BCL7A: variants seen among roughly 807,000 people sequenced by gnomAD.
The protein encoded by BCL7A is BAF chromatin remodeling complex subunit BCL7A, also known as B-cell CLL/lymphoma 7 protein family member A.
A neutral mutation model predicts 28.4 loss-of-function variants in BCL7A; 11 were observed. The ratio of observed to expected loss-of-function variants is 0.39; its 90% CI spans 0.24 to 0.64. The LOEUF (loss-of-function observed/expected upper bound fraction) is 0.64. Ranked by LOEUF, BCL7A falls within the 30% of genes least tolerant of loss-of-function variation. The pLI, the probability that BCL7A is intolerant of heterozygous loss-of-function variation, is 0.50. For synonymous variants in BCL7A, 123 were observed against 103.3 expected, an observed-to-expected ratio of 1.19 and a Z score of -1.15; for missense variants, 222 against 274.8, an observed-to-expected ratio of 0.81 and a Z score of 1.36.
chr12:122,057,524 C>T (rs926061240), intron 5 of BCL7A, among the ~76,000 whole-genome samples: 3 of 152,038 alleles, frequency 2.0e-5, no homozygotes, highest in African/African-American at 7.2e-5. Context: ...GGCCAGAGGC[C>T]GGGTTGGAGG....
At chr12:122,028,218 C>T (rs888430314) in intron 1 of BCL7A, among the ~76,000 whole-genome samples, 10 of 152,128 alleles carry the variant, frequency 6.6e-5, no homozygotes, top group African/African-American at 9.7e-5. Flanking sequence ...CTTGAGAACT[C>T]GGTGAAGAGG....
chr12:122,058,070 GCATAT>G (rs956075261), intron 5 of BCL7A, among the ~76,000 whole-genome samples: 3 of 151,490 alleles, frequency 2.0e-5, no homozygotes, highest in African/African-American at 7.3e-5. Context: ...GGTGGCACAT[GCATAT>G]AGTCCCAGCT....
chr12:122,023,786 C>G, intron 1 of BCL7A, among the ~76,000 whole-genome samples: 1 of 152,314 alleles, frequency 6.6e-6, no homozygotes, highest in South Asian at 2.1e-4. Flanking sequence ...CAACCCGCAG[C>G]CCCCTCTACT....
intron 1 of BCL7A, among the ~76,000 whole-genome samples, chr12:122,023,888 C>T (rs1005222976): frequency 3.3e-5 from 5 of 152,232 alleles, no homozygotes; most frequent in African/African-American, 1.2e-4. Context: ...TGGGTCCCTT[C>T]TGTCGCCGGC....
chr12:122,023,431 A>T (rs1883523367), intron 1 of BCL7A, among the ~76,000 whole-genome samples: 1 of 151,898 alleles, frequency 6.6e-6, no homozygotes, highest in African/African-American at 2.4e-5. Context: ...CGGTCTCTAA[A>T]AGCCACTGGG....
intron 4 of BCL7A, among the ~76,000 whole-genome samples, chr12:122,045,387 A>C (rs1029111287): frequency 6.6e-6 from 1 of 152,036 alleles, no homozygotes; most frequent in Non-Finnish European, 1.5e-5. Context: ...TCTCAGAAAA[A>C]TTTTAAAAAG....
intron 3 of BCL7A, among the ~76,000 whole-genome samples, chr12:122,035,691 C>T (rs1034953555): frequency 1.3e-5 from 2 of 152,182 alleles, no homozygotes; most frequent in South Asian, 2.1e-4. Context: ...ACAAGAACCC[C>T]GCAGGAGATG....
rs145256978 is a variant in BCL7A, at chr12:122,029,136, G to A, written c.93-1564G>A. Among the ~76,000 whole-genome samples, 218 of 152,238 alleles carry A rather than the reference G, an allele frequency of 1.4e-3. No homozygotes were observed. The highest frequency in any genetic ancestry group is 2.2e-3 in the Non-Finnish European group (152 of 68,008). ...GTTCACCTTCACCGCCCTGTGCCTC[G>A]GTTTCTTTATCTGTCAAATGGGGAA... On this transcript the variant is annotated intron_variant, in intron 1 of 5. Transcript: ENST00000261822. This position sits in a 1 kb window ranked among gnomAD's most constrained non-coding sequence, Gnocchi z 4.3.
In BCL7A at chr12:122,061,424, C is replaced by T. The variant is rs927732972; in HGVS notation, c.*2261C>T. 2.1e-4 allele frequency: 49 copies of T among 231,824 alleles called. No homozygotes were observed. Among genetic ancestry groups the T allele is most frequent in the South Asian group, 1.8e-4 (1 of 5,520 alleles). The allele number at this position is 231,824 out of a possible 1,614,324, so 14.4% of individuals were successfully genotyped here. A position where few individuals can be genotyped will look rare whatever the true frequency, so the allele number is the denominator to read the frequency against. ...GATTGGGACCAGCTGGGCCCCACCA[C>T]GGCCACGCCAGGCAAAGCGCCAGCA... On this transcript the variant is annotated 3_prime_UTR_variant, in exon 6 of 6. Coordinates refer to ENST00000261822, the MANE Select transcript of BCL7A (RefSeq NM_001024808.3).
chr12:122,025,664 G>C (rs142211506), intron 1 of BCL7A, among the ~76,000 whole-genome samples: 1 of 147,576 alleles, frequency 6.8e-6, no homozygotes, highest in East Asian at 2.0e-4. Flanking sequence ...AGAAAAATTA[G>C]TCTGGACGCA....
At chr12:122,040,193 C>T (rs1883938407) in intron 3 of BCL7A, among the ~76,000 whole-genome samples, 1 of 152,148 alleles carries the variant, frequency 6.6e-6, no homozygotes, top group South Asian at 2.1e-4. Flanking sequence ...TTCATAACTT[C>T]CAGTGCCATT....
chr12:122,049,241 AAG>A (rs1245671947), intron 4 of BCL7A, among the ~76,000 whole-genome samples: 21 of 149,504 alleles, frequency 1.4e-4, no homozygotes, highest in African/African-American at 4.9e-4. Context: ...AAAAAAAAAA[AAG>A]AGAAGAAAAA....
chr12:122,034,131 A>G (rs1883797571), intron 2 of BCL7A, among the ~76,000 whole-genome samples: 1 of 139,072 alleles, frequency 7.2e-6, no homozygotes, highest in Non-Finnish European at 1.6e-5. Context: ...CAGAGCATGC[A>G]CACACACACA....
chr12:122,028,951 C>T (rs895282148), intron 1 of BCL7A, among the ~76,000 whole-genome samples: 2 of 152,142 alleles, frequency 1.3e-5, no homozygotes, highest in Non-Finnish European at 2.9e-5. Context: ...TGTGGTTTGT[C>T]TGCTCTGCCC....
At chr12:122,023,776 C>G (rs1366847753) in intron 1 of BCL7A, among the ~76,000 whole-genome samples, 1 of 152,338 alleles carries the variant, frequency 6.6e-6, no homozygotes, top group East Asian at 1.9e-4. Flanking sequence ...CGCTGGAAAA[C>G]AACCCGCAGC....
chr12:122,037,391 G>A (rs1319796738), intron 3 of BCL7A, among the ~76,000 whole-genome samples: 1 of 152,196 alleles, frequency 6.6e-6, no homozygotes, highest in Non-Finnish European at 1.5e-5. Context: ...TGGAGTTTCT[G>A]ATCTCTCCAG....
chr12:122,060,389 G>A lies in BCL7A; in HGVS notation c.*1226G>A, dbSNP rs368882723. The stretch of plus-strand genomic sequence containing the variant: ...CCTCGAAGGCCACAAACAAGGCGTC[G>A]AGGAATTGGAAAGATTTGCACACCC... On this transcript the variant is annotated 3_prime_UTR_variant, in exon 6 of 6. Transcript: ENST00000261822. The A allele has an allele frequency of 2.1e-5, 5 of 232,902 alleles. No individual in the cohort carries two copies. Among genetic ancestry groups the A allele is most frequent in the South Asian group, 1.8e-4 (1 of 5,534 alleles). 14.4% of individuals were successfully genotyped at this position (232,902 alleles called of 1,614,324 possible). A position where few individuals can be genotyped will look rare whatever the true frequency, so the allele number is the denominator to read the frequency against.
At chr12:122,027,963 A>G (rs1195023149) in intron 1 of BCL7A, among the ~76,000 whole-genome samples, 2 of 152,122 alleles carry the variant, frequency 1.3e-5, no homozygotes, top group Admixed American at 6.5e-5. Context: ...TTGGGGGGCA[A>G]TTGTGGGAAA....
At chr12:122,031,333 G>A (rs1265852780) in intron 2 of BCL7A, among the ~76,000 whole-genome samples, 1 of 150,748 alleles carries the variant, frequency 6.6e-6, no homozygotes, top group Non-Finnish European at 1.5e-5. Context: ...CGGCCTGCAA[G>A]TTGTGTCTTC....
Sources: gnomAD v4.1 joint callset for allele counts (sites outside exome capture counted in the v4.1 genomes callset) on GRCh38, gnomAD v4.1.1 for gene constraint, Gnocchi (gnomAD v3.1) non-coding constraint, MANE v1.5 for transcripts, NCBI Gene and HGNC (gene_info 2026-07-23, HGNC 2026-07-21) for gene names.